The following EML5 variants were observed in gnomAD, a reference collection of about 807,000 sequenced individuals.
EML5 encodes echinoderm microtubule-associated protein-like 5.
A neutral mutation model predicts 250.0 loss-of-function variants in EML5; 120 were observed. The ratio of observed to expected loss-of-function variants is 0.48; its 90% CI spans 0.41 to 0.56. EML5 has a LOEUF of 0.56. Among genes scored for constraint, EML5 ranks in the 20% least tolerant of loss-of-function variants. The pLI is 0.00. For missense variants in EML5, 2,006 were observed against 2,437.6 expected (o/e 0.82, Z 3.73); for synonymous variants, 771 against 806.5 (o/e 0.96, Z 0.75).
rs1202547519 is a variant in EML5, at chr14:88,792,020, G to GT, written c.197+286dup. On this transcript the variant is annotated intron_variant, in intron 1 of 43. Coordinates refer to ENST00000554922, the MANE Select transcript of EML5 (RefSeq NM_183387.3). The surrounding 1 kb of genome is among the most constrained non-coding windows in gnomAD (Gnocchi z 6.9). ...CCAAAATAACCTTTTCGCAGTTTTC[G>GT]TAATTGTGATGGAGTGGGAAAGGGG... Among the ~76,000 whole-genome samples the GT allele has an allele frequency of 2.6e-5, 4 of 152,190 alleles. No individual in the cohort carries two copies. The highest frequency in any genetic ancestry group is 4.4e-5 in the Non-Finnish European group (3 of 68,042).
intron 23 of EML5, 114 bp from the exon 24 acceptor site, chr14:88,663,233 T>C: frequency 1.7e-6 from 1 of 584,498 alleles, no homozygotes; most frequent in Admixed American, 3.8e-5. Context: ...TAAAAACCAT[T>C]TTCTGCTGCA....
rs766490105 is a variant in EML5, at chr14:88,704,713, C to T, written c.2051+147G>A. ...TCTAATGTCTCCTCATGATTAGATT[C>T]AGGTGATGTGTTTTCCCCATGGGCA... On this transcript the variant is annotated intron_variant, in intron 13 of 43. Transcript: ENST00000554922. 5.3e-6 allele frequency: 3 copies of T among 563,982 alleles called. No homozygotes were observed. The South Asian group carries it at 8.8e-5, about 17-fold the overall frequency. The allele number at this position is 563,982 out of a possible 1,614,324, so 34.9% of individuals were successfully genotyped here.
At position 88,754,668 on chromosome 14, in the gene EML5, A is replaced by G. The variant is rs1393248274; in HGVS notation, c.201T>C (p.Leu67=). The change falls in exon 2 of 44, where the codon CTT becomes CTC. Residue 67 remains leucine (L), a synonymous_variant. Transcript: ENST00000554922. ...YRGHSDDIIS[L]ALHPERVLVA... Reference sequence around the variant, plus strand: ...CCAACACTCGTTCAGGATGCAATGCAAGGCTGTAAAATAAGGAAATAAATA... The same window carrying G: ...CCAACACTCGTTCAGGATGCAATGCGAGGCTGTAAAATAAGGAAATAAATA... 1 of 1,601,166 alleles carries G rather than the reference A, an allele frequency of 6.2e-7. No homozygotes were observed. Among genetic ancestry groups the G allele is most frequent in the Non-Finnish European group, 8.5e-7 (1 of 1,174,646 alleles).
intron 14 of EML5, among the ~76,000 whole-genome samples, chr14:88,699,786 G>T (rs775792013): frequency 6.6e-6 from 1 of 152,064 alleles, no homozygotes; most frequent in Non-Finnish European, 1.5e-5. Context: ...TTAACTTCCA[G>T]GCTTAGGCAA....
At chr14:88,634,182 C>T (rs551174139) in intron 33 of EML5, among the ~76,000 whole-genome samples, 10 of 152,252 alleles carry the variant, frequency 6.6e-5, no homozygotes, top group Admixed American at 5.9e-4. Flanking sequence ...CTCGTTTAAA[C>T]GTGTAGTACC....
intron 1 of EML5, among the ~76,000 whole-genome samples, chr14:88,778,197 C>T (rs2094464707): frequency 6.6e-6 from 1 of 151,796 alleles, no homozygotes; most frequent in Non-Finnish European, 1.5e-5. Context: ...ATCACCTTAA[C>T]TAAAATAAGA....
intron 30 of EML5, 21 bp from the exon 31 acceptor site, chr14:88,643,043 C>T: frequency 1.3e-6 from 2 of 1,545,878 alleles, no homozygotes; most frequent in East Asian, 2.4e-5. Flanking sequence ...AATAATAAAA[C>T]CATTATATTC....
intron 19 of EML5, among the ~76,000 whole-genome samples, chr14:88,685,658 C>T (rs2092815932): frequency 6.6e-6 from 1 of 151,864 alleles, no homozygotes; most frequent in African/African-American, 2.4e-5. Flanking sequence ...CCATTTTGCC[C>T]AGACTGATCT....
At chr14:88,641,219 TA>T (rs1486797313) in intron 31 of EML5, among the ~76,000 whole-genome samples, 5 of 151,944 alleles carry the variant, frequency 3.3e-5, no homozygotes, top group African/African-American at 9.7e-5. Flanking sequence ...GAAACTATTC[TA>T]AAAAATAGAG....
intron 1 of EML5, among the ~76,000 whole-genome samples, chr14:88,761,172 C>G (rs1368230379): frequency 6.6e-6 from 1 of 152,072 alleles, no homozygotes; most frequent in Non-Finnish European, 1.5e-5. Flanking sequence ...TCTGATTGCA[C>G]TGGCTTGAAC....
chr14:88,623,017 CTTTT>C (rs33958046), intron 36 of EML5: 3 of 150,554 alleles, frequency 2.0e-5, no homozygotes, highest in Non-Finnish European at 2.8e-5. Flanking sequence ...TCTCATAATA[CTTTT>C]TTTTTTTTTT....
intron 1 of EML5, among the ~76,000 whole-genome samples, chr14:88,777,728 G>C (rs1360968636): frequency 6.6e-6 from 1 of 152,218 alleles, no homozygotes; most frequent in Non-Finnish European, 1.5e-5. Context: ...TGTAATCCCG[G>C]CACTTTGGGA....
At chr14:88,658,457 T>C (rs1443133919) in intron 25 of EML5, 69 bp from the exon 26 acceptor site, 1 of 1,216,490 alleles carries the variant, frequency 8.2e-7, no homozygotes, top group Non-Finnish European at 1.1e-6. Context: ...CATTATGATT[T>C]TGAATTTTAT....
At chr14:88,788,897 CG>C (rs1288855830) in intron 1 of EML5, among the ~76,000 whole-genome samples, 5 of 84,812 alleles carry the variant, frequency 5.9e-5, no homozygotes, top group East Asian at 1.2e-3. Flanking sequence ...CCATCTTTAC[CG>C]AAAAAAAAAA....
chr14:88,707,270 T>TTTTATTTATTTATTTATTTA (rs36057410), intron 10 of EML5, among the ~76,000 whole-genome samples: 4 of 145,526 alleles, frequency 2.7e-5, no homozygotes, highest in African/African-American at 1.0e-4. Context: ...TAGGGATATA[T>TTTTATTTATTTATTTATTTA]TTTATTTATT....
Position 88,657,480 on chromosome 14 carries a change from C to T in EML5, c.3900G>A (p.Arg1300=). The stretch of plus-strand genomic sequence containing the variant: ...TGATGGTGTAACTGATTTCATTCTC[C>T]CTTGTAACATCACTGTCATAGCCTA... The part of the protein sequence containing the change: ...EDGGYDSDVT[R]ENEISYTIRA... Residue 1300 remains arginine, a synonymous_variant, in exon 27 of 44, where the codon AGG becomes AGA. Transcript: ENST00000554922. 6.2e-7 allele frequency: 1 copy of T among 1,605,948 alleles called. No individual in the cohort carries two copies. The highest frequency in any genetic ancestry group is 8.5e-7 in the Non-Finnish European group (1 of 1,176,316).
At position 88,620,873 on chromosome 14, in the gene EML5, G is replaced by T; in HGVS notation, c.5256C>A (p.Ser1752Arg). ...LGHAARTVCY[S>R]PEGDMVAIGM... ...CAATAGCCACCATGTCCCCTTCAGGGCTGTAACACACAGTACGAGCAGCAT... is the reference window on the plus strand; with the variant it reads ...CAATAGCCACCATGTCCCCTTCAGGTCTGTAACACACAGTACGAGCAGCAT... Residue 1752 changes from serine to arginine, a missense_variant, in exon 39 of 44, where the codon AGC becomes AGA. Physicochemically the swap from Ser to Arg is moderately radical, Grantham distance 110. Coordinates refer to ENST00000554922, the MANE Select transcript of EML5 (RefSeq NM_183387.3). The surrounding 1 kb of genome is among the most constrained non-coding windows in gnomAD (Gnocchi z 4.3). 6.3e-7 allele frequency: 1 copy of T among 1,578,756 alleles called. No homozygotes were observed. Among genetic ancestry groups the T allele is most frequent in the Non-Finnish European group, 8.6e-7 (1 of 1,161,986 alleles).
chr14:88,757,190 C>T (rs1475499485), intron 1 of EML5, among the ~76,000 whole-genome samples: 1 of 152,136 alleles, frequency 6.6e-6, no homozygotes, highest in African/African-American at 2.4e-5. Context: ...CAACTGATTT[C>T]AACAAGGGTG....
chr14:88,618,170 G>T, intron 41 of EML5, 58 bp downstream of exon 41: 1 of 1,445,406 alleles, frequency 6.9e-7, no homozygotes, highest in African/African-American at 1.4e-5. Flanking sequence ...TTCAGAAATA[G>T]GATTTTCTAA....
Sources: allele counts gnomAD v4.1 joint callset (sites outside exome capture counted in the v4.1 genomes callset), GRCh38; gene constraint gnomAD v4.1.1; non-coding constraint Gnocchi (gnomAD v3.1); transcripts MANE v1.5; gene names NCBI Gene and HGNC (gene_info 2026-07-23, HGNC 2026-07-21).